LRP1B: variants seen among roughly 807,000 people sequenced by gnomAD.
The protein encoded by LRP1B is LDL receptor related protein 1B.
In LRP1B, 217 loss-of-function variants were observed where a neutral mutation model predicts 556.6. The observed-to-expected ratio is 0.39, with a 90% CI of 0.35 to 0.44. The LOEUF (loss-of-function observed/expected upper bound fraction) is 0.44. LRP1B is among the 20% of genes least tolerant of loss of function. The pLI, the probability that LRP1B is intolerant of heterozygous loss-of-function variation, is 1.00. For missense variants in LRP1B, 5,053 were observed against 5,620.8 expected, an observed-to-expected ratio of 0.90 and a Z score of 3.23; for synonymous variants, 2,047 against 1,865.8, an observed-to-expected ratio of 1.10 and a Z score of -2.50.
intron 84 of LRP1B, among the ~76,000 whole-genome samples, chr2:140,285,395 A>G (rs1281001456): frequency 1.3e-5 from 2 of 150,486 alleles, no homozygotes; most frequent in Non-Finnish European, 3.0e-5. Context: ...ATATATATAT[A>G]CACACAGAGA....
chr2:140,416,371 A>T (rs561584689), intron 66 of LRP1B, among the ~76,000 whole-genome samples: 1 of 152,278 alleles, frequency 6.6e-6, no homozygotes, highest in East Asian at 1.9e-4. Flanking sequence ...AAACCCTATC[A>T]GAGGCCAGGA....
chr2:141,421,257 G>A (rs181750148), intron 3 of LRP1B, among the ~76,000 whole-genome samples: 98 of 152,096 alleles, frequency 6.4e-4, no homozygotes, highest in African/African-American at 2.3e-3. Flanking sequence ...GGCCGGGCGC[G>A]GTGGCTCACG....
At chr2:141,214,458 A>T (rs574242207) in intron 6 of LRP1B, among the ~76,000 whole-genome samples, 288 of 152,312 alleles carry the variant, frequency 1.9e-3, no homozygotes, top group African/African-American at 6.5e-3. Flanking sequence ...CTCCTAATGC[A>T]CACATCATTT....
chr2:140,514,528 C>T (rs1689801998), intron 51 of LRP1B, 125 bp downstream of exon 51: 1 of 740,372 alleles, frequency 1.4e-6, no homozygotes. Flanking sequence ...AAAACAGCTA[C>T]CTAGAAAGGT....
rs766353564 is a variant in LRP1B, at chr2:140,534,022, T to A, written c.7761A>T (p.Lys2587Asn). 1.2e-6 allele frequency: 2 copies of A among 1,613,392 alleles called. No homozygotes were observed. Among genetic ancestry groups the A allele is most frequent in the Admixed American group, 1.7e-5 (1 of 59,958 alleles). The change falls in exon 47 of 91, where the codon AAA (lysine) becomes AAT (asparagine). Residue 2587 changes from lysine to asparagine, a missense_variant and splice_region_variant. Lys to Asn is a moderately conservative substitution (Grantham distance 94). Coordinates refer to ENST00000389484, the MANE Select transcript of LRP1B (RefSeq NM_018557.3). ...GAGATTGATGGAACAAGTATTTACC[T>A]TTACAATCTAATTCATCAGAGTTGT... Reference protein sequence around the residue: ...CGDNSDELDCKVSTCATVEFR... With the variant: ...CGDNSDELDCNVSTCATVEFR...
intron 27 of LRP1B, among the ~76,000 whole-genome samples, chr2:140,864,376 T>G (rs898161069): frequency 6.6e-6 from 1 of 152,048 alleles, no homozygotes; most frequent in African/African-American, 2.4e-5. Flanking sequence ...TAACTATGAA[T>G]GTAGAGGAGG....
At chr2:140,633,986 G>C (rs949458894) in intron 41 of LRP1B, among the ~76,000 whole-genome samples, 1 of 152,074 alleles carries the variant, frequency 6.6e-6, no homozygotes, top group Non-Finnish European at 1.5e-5. Context: ...ACTGTATAAA[G>C]ACATTATAAG....
At chr2:140,735,794 G>A (rs540639854) in intron 35 of LRP1B, among the ~76,000 whole-genome samples, 1 of 152,222 alleles carries the variant, frequency 6.6e-6, no homozygotes, top group South Asian at 2.1e-4. Context: ...TTAAATCCCA[G>A]TCTAACCCAA....
chr2:141,593,321 T>C (rs1687405271), intron 2 of LRP1B, among the ~76,000 whole-genome samples: 1 of 152,184 alleles, frequency 6.6e-6, no homozygotes, highest in South Asian at 2.1e-4. Flanking sequence ...CCTCGACATA[T>C]ATATGTATGA....
intron 1 of LRP1B, among the ~76,000 whole-genome samples, chr2:141,879,966 A>G (rs1698898663): frequency 7.8e-6 from 1 of 127,756 alleles, no homozygotes; most frequent in Admixed American, 8.9e-5. Context: ...CATTTCTTTT[A>G]AGAGACTACA....
intron 2 of LRP1B, among the ~76,000 whole-genome samples, chr2:141,559,235 T>C (rs1686062534): frequency 6.6e-6 from 1 of 151,728 alleles, no homozygotes; most frequent in African/African-American, 2.4e-5. Context: ...GTGAATATTT[T>C]TCCAGAAATT....
intron 3 of LRP1B, among the ~76,000 whole-genome samples, chr2:141,404,795 A>G (rs566220680): frequency 1.3e-5 from 2 of 152,328 alleles, no homozygotes; most frequent in East Asian, 3.9e-4. Context: ...GTAAAATGCA[A>G]GACATTGGGT....
intron 3 of LRP1B, among the ~76,000 whole-genome samples, chr2:141,367,135 C>T (rs532179098): frequency 1.3e-5 from 2 of 152,182 alleles, no homozygotes; most frequent in East Asian, 3.9e-4. Context: ...TAAGAGAAGG[C>T]TACTATTGGG....
At chr2:141,847,290 TAAAA>T (rs1023038500) in intron 1 of LRP1B, among the ~76,000 whole-genome samples, 51 of 151,624 alleles carry the variant, frequency 3.4e-4, no homozygotes, top group African/African-American at 1.2e-3. Context: ...TAAATGAACT[TAAAA>T]GAAGTGCTGA....
chr2:141,710,601 G>A (rs1692321656), intron 2 of LRP1B, among the ~76,000 whole-genome samples: 1 of 152,144 alleles, frequency 6.6e-6, no homozygotes, highest in Admixed American at 6.5e-5. Context: ...TCTGGATACT[G>A]CAAAAAGATC....
At chr2:141,495,399 T>C (rs538651879) in intron 2 of LRP1B, among the ~76,000 whole-genome samples, 1 of 151,988 alleles carries the variant, frequency 6.6e-6, no homozygotes, top group African/African-American at 2.4e-5. Flanking sequence ...AACAAGAAGG[T>C]TAAGAAAAAG....
chr2:141,011,009 A>G (rs1008145968), intron 14 of LRP1B, among the ~76,000 whole-genome samples: 1 of 149,202 alleles, frequency 6.7e-6, no homozygotes, highest in Non-Finnish European at 1.5e-5. Flanking sequence ...ATATGTATAA[A>G]AAATATAAAT....
intron 3 of LRP1B, among the ~76,000 whole-genome samples, chr2:141,466,321 T>C (rs1341048770): frequency 3.3e-5 from 5 of 152,208 alleles, no homozygotes; most frequent in African/African-American, 7.2e-5. Context: ...AGTCCTCTCA[T>C]AGAGTTTATC....
At chr2:141,176,373 G>T (rs888083268) in intron 7 of LRP1B, among the ~76,000 whole-genome samples, 1 of 152,006 alleles carries the variant, frequency 6.6e-6, no homozygotes, top group Admixed American at 6.6e-5. Context: ...CATGAGGGAA[G>T]ATTTCCCCTT....
Sources: gnomAD v4.1 joint callset for allele counts (sites outside exome capture counted in the v4.1 genomes callset) on GRCh38, gnomAD v4.1.1 for gene constraint, MANE v1.5 for transcripts, NCBI Gene and HGNC (gene_info 2026-07-23, HGNC 2026-07-21) for gene names.